AP3D1: variants seen among roughly 807,000 people sequenced by gnomAD.
The protein encoded by AP3D1 is adaptor related protein complex 3 subunit delta 1, also known as AP-3 complex subunit delta-1.
A neutral mutation model predicts 147.6 loss-of-function variants in AP3D1; 51 were observed. The observed-to-expected ratio is 0.35, with a 90% CI of 0.28 to 0.44. AP3D1 has a LOEUF of 0.44. AP3D1 is among the 20% of genes least tolerant of loss of function. The probability of loss-of-function intolerance (pLI) is 1.00; values close to 1 mark genes in which losing one functional copy is unlikely to be tolerated. For synonymous variants in AP3D1, 760 were observed against 663.0 expected, an observed-to-expected ratio of 1.15 and a Z score of -2.25; for missense variants, 1,421 against 1,624.2, an observed-to-expected ratio of 0.87 and a Z score of 2.15.
chr19:2,111,536 G>A, intron 25 of AP3D1, 143 bp downstream of exon 25: 2 of 1,279,856 alleles, frequency 1.6e-6, no homozygotes, highest in Non-Finnish European at 2.1e-6. Context: ...CTGCGGGCCA[G>A]GGCCAGTCCC....
At chr19:2,147,346 A>T (rs2019384132) in intron 1 of AP3D1, among the ~76,000 whole-genome samples, 1 of 33,534 alleles carries the variant, frequency 3.0e-5, no homozygotes. Flanking sequence ...ACTCTGTCTC[A>T]AAAAAAAAAA....
chr19:2,135,234 T>A (rs1036189665), intron 4 of AP3D1, among the ~76,000 whole-genome samples: 3 of 148,612 alleles, frequency 2.0e-5, no homozygotes, highest in East Asian at 4.1e-4. Context: ...AACAAAAAAA[T>A]AAAATAAAAA....
chr19:2,123,430 C>T, intron 10 of AP3D1, 24 bp from the exon 11 acceptor site: 1 of 1,613,082 alleles, frequency 6.2e-7, no homozygotes, highest in South Asian at 1.1e-5. Flanking sequence ...AAAAACGATG[C>T]TGGTTACATC....
chr19:2,118,434 G>A (rs2018517372), intron 15 of AP3D1, among the ~76,000 whole-genome samples, 167 bp downstream of exon 15: 1 of 152,162 alleles, frequency 6.6e-6, no homozygotes, highest in African/African-American at 2.4e-5. Context: ...CTGACCTCCA[G>A]GTCCCACTGA....
At chr19:2,157,188 A>G (rs1179075560) in intron 1 of AP3D1, among the ~76,000 whole-genome samples, 1 of 151,422 alleles carries the variant, frequency 6.6e-6, no homozygotes, top group East Asian at 2.0e-4. Flanking sequence ...CACGCCTGTA[A>G]TCCCAGCACT....
Position 2,138,689 on chromosome 19 carries a change from T to C in AP3D1, c.122A>G (p.Asp41Gly), listed in dbSNP as rs755026932. ...DEAKYISQCI[D>G]EIKQELKQDN... ...CTGCTTCAGCTCCTGCTTGATCTCA[T>C]CAATGCACTGAGATATGTATTTTGC... Residue 41 changes from aspartate (D) to glycine (G), a missense_variant, in exon 2 of 32, where the codon GAT becomes GGT. This residue lies in a region of AP3D1 where 292 missense variants were observed against 412.0 expected (regional missense o/e 0.71). Transcript: ENST00000643116. 6.2e-7 allele frequency: 1 copy of C among 1,613,558 alleles called. No individual in the cohort carries two copies. The highest frequency in any genetic ancestry group is 8.5e-7 in the Non-Finnish European group (1 of 1,179,904).
chr19:2,132,080 G>A (rs1419240080), intron 5 of AP3D1, among the ~76,000 whole-genome samples: 1 of 152,160 alleles, frequency 6.6e-6, no homozygotes, highest in African/African-American at 2.4e-5. Flanking sequence ...CACAGCCGGG[G>A]GCGTAGCCTT....
chr19:2,124,797 G>A (rs186507274), intron 9 of AP3D1, among the ~76,000 whole-genome samples: 138 of 152,248 alleles, frequency 9.1e-4, no homozygotes, highest in Admixed American at 5.2e-3. Flanking sequence ...AAAAATAAGC[G>A]GGAGTGGTGG....
chr19:2,133,087 G>A (rs766029679), intron 4 of AP3D1, among the ~76,000 whole-genome samples: 14 of 152,180 alleles, frequency 9.2e-5, no homozygotes, highest in Non-Finnish European at 1.5e-4. Flanking sequence ...CTTCCCTCAC[G>A]TATCACTGGC....
At chr19:2,147,867 G>A (rs2144565437) in intron 1 of AP3D1, among the ~76,000 whole-genome samples, 1 of 141,932 alleles carries the variant, frequency 7.0e-6, no homozygotes, top group Middle Eastern at 4.7e-3. Flanking sequence ...CCTGGCGACA[G>A]AGCGAGACTT....
In AP3D1 at chr19:2,116,753, C is replaced by T. The variant is rs747266499; in HGVS notation, c.1860-7G>A. On this transcript the variant is annotated splice_region_variant and splice_polypyrimidine_tract_variant and intron_variant, in intron 16 of 31. Transcript: ENST00000643116. ...CCAGGCGTCCAGGTCCAGGCTGCAC[C>T]GGACAGGAGGGCCACACAAGGCAGT... The T allele has an allele frequency of 5.0e-6, 8 of 1,602,894 alleles. No individual in the cohort carries two copies. The highest frequency in any genetic ancestry group is 2.2e-5 in the South Asian group (2 of 89,910).
Position 2,111,694 on chromosome 19 carries a change from C to A in AP3D1, c.2922G>T (p.Glu974Asp). 1 of 1,594,582 alleles carries A rather than the reference C, an allele frequency of 6.3e-7. No individual in the cohort carries two copies. Among genetic ancestry groups the A allele is most frequent in the Non-Finnish European group, 8.5e-7 (1 of 1,172,594 alleles). The change falls in exon 25 of 32, where the codon GAG becomes GAT. Residue 974 changes from glutamate to aspartate, a missense_variant. Physicochemically the swap from Glu to Asp is conservative, Grantham distance 45 (BLOSUM62 2). This residue lies in a region of AP3D1 where 791 missense variants were observed against 761.4 expected (regional missense o/e 1.04). Coordinates refer to ENST00000643116, the MANE Select transcript of AP3D1 (RefSeq NM_001261826.3). ...AGEPVQNGAPEEEQLPPESSY... is the reference protein window; with the variant it reads ...AGEPVQNGAPDEEQLPPESSY... The stretch of plus-strand genomic sequence containing the variant: ...TACCCCTCACCGGGAGCTGCTCCTC[C>A]TCTGGCGCGCCATTCTGCACCGGCT...
Position 2,114,737 on chromosome 19 carries a change from T to C in AP3D1, c.2423+11A>G, listed in dbSNP as rs766770553. On this transcript the variant is annotated intron_variant, in intron 21 of 31. Transcript: ENST00000643116. ...GGCCTCCACCCTCACCCTGAACCCA[T>C]ATGGACTCACTTATCCAGGTCAATA... The C allele has an allele frequency of 1.9e-6, 3 of 1,544,778 alleles. No individual in the cohort carries two copies. The highest frequency in any genetic ancestry group is 1.7e-5 in the Admixed American group (1 of 57,528).
intron 1 of AP3D1, among the ~76,000 whole-genome samples, chr19:2,145,564 C>T (rs2019334135): frequency 6.6e-6 from 1 of 152,240 alleles, no homozygotes; most frequent in African/African-American, 2.4e-5. Flanking sequence ...AAGAACAATC[C>T]AGCCTGATGT....
At chr19:2,114,068 G>T in intron 22 of AP3D1, 57 bp downstream of exon 22, 1 of 1,522,042 alleles carries the variant, frequency 6.6e-7, no homozygotes, top group South Asian at 1.3e-5. Flanking sequence ...TGTCTCCTGG[G>T]AGTTCACGGC....
At chr19:2,109,821 G>A in intron 29 of AP3D1, 52 bp downstream of exon 29, 2 of 1,546,638 alleles carry the variant, frequency 1.3e-6, no homozygotes, top group Admixed American at 1.7e-5. Flanking sequence ...CTGCAAGGTA[G>A]AGGGGAGGCG....
intron 1 of AP3D1, among the ~76,000 whole-genome samples, chr19:2,145,800 T>C (rs1048608035): frequency 2.0e-5 from 3 of 152,104 alleles, no homozygotes; most frequent in Non-Finnish European, 4.4e-5. Flanking sequence ...GATTGCCTTT[T>C]GAAAACCCCT....
chr19:2,145,198 C>T (rs1428180766), intron 1 of AP3D1, among the ~76,000 whole-genome samples: 1 of 152,220 alleles, frequency 6.6e-6, no homozygotes, highest in African/African-American at 2.4e-5. Flanking sequence ...ACCGCAGCTC[C>T]CTGAGGGCTG....
chr19:2,125,649 G>C (rs1040619970), intron 9 of AP3D1, among the ~76,000 whole-genome samples: 2 of 152,052 alleles, frequency 1.3e-5, no homozygotes, highest in African/African-American at 4.8e-5. Context: ...AAAGTAGATG[G>C]TAATTTTTTT....
Sources: gnomAD v4.1 joint callset for allele counts (sites outside exome capture counted in the v4.1 genomes callset) on GRCh38, gnomAD v4.1.1 for gene constraint, gnomAD v4.1.1 regional missense constraint, MANE v1.5 for transcripts, NCBI Gene and HGNC (gene_info 2026-07-23, HGNC 2026-07-21) for gene names.